Variants in JAKMIP3 observed in about 807,000 individuals in gnomAD.
JAKMIP3 encodes Janus kinase and microtubule interacting protein 3, also known as janus kinase and microtubule-interacting protein 3.
Under a neutral mutation model 118.5 loss-of-function variants are expected in JAKMIP3, and 58 were observed. The observed-to-expected ratio is 0.49, with a 90% confidence interval of 0.40 to 0.61. The LOEUF is 0.61. Among genes scored for constraint, JAKMIP3 ranks in the 20% least tolerant of loss-of-function variants. JAKMIP3 has a pLI of 0.00. For missense variants in JAKMIP3, 950 were observed against 1,109.0 expected (o/e 0.86, Z 2.04); for synonymous variants, 486 against 451.2 (o/e 1.08, Z -0.98).
At chr10:132,036,531 C>A (rs1443500568), upstream of JAKMIP3, among the ~76,000 whole-genome samples, 1 of 152,082 alleles carries the variant, frequency 6.6e-6, no homozygotes. Flanking sequence ...TCCGCGGAGA[C>A]CGGGACTGCG....
upstream of JAKMIP3, among the ~76,000 whole-genome samples, chr10:132,064,163 C>T (rs1451381277): frequency 6.6e-6 from 1 of 152,198 alleles, no homozygotes; most frequent in Admixed American, 6.5e-5. The surrounding 1 kb of genome is among the most constrained non-coding windows in gnomAD (Gnocchi z 4.4). Context: ...AGGATGTTTC[C>T]AATTATTCCC....
At chr10:132,109,188 C>A (rs1589833171) in intron 2 of JAKMIP3, among the ~76,000 whole-genome samples, 1 of 151,904 alleles carries the variant, frequency 6.6e-6, no homozygotes, top group African/African-American at 2.4e-5. Flanking sequence ...TGGTGGCACT[C>A]ACCTGTAGTC....
chr10:132,109,026 T>TG (rs2046380371), intron 2 of JAKMIP3, among the ~76,000 whole-genome samples: 4 of 139,588 alleles, frequency 2.9e-5, no homozygotes, highest in Non-Finnish European at 6.2e-5. Flanking sequence ...TGTATACAAA[T>TG]TATATATGTA....
intron 23 of JAKMIP3, among the ~76,000 whole-genome samples, chr10:132,176,188 C>T (rs906809813): frequency 6.6e-5 from 10 of 152,214 alleles, no homozygotes; most frequent in South Asian, 2.1e-4. Flanking sequence ...CAAGAGGGAA[C>T]GGGGAGGGAC....
chr10:132,071,341 T>C (rs987168145), intron 1 of JAKMIP3, among the ~76,000 whole-genome samples: 1 of 152,234 alleles, frequency 6.6e-6, no homozygotes, highest in Non-Finnish European at 1.5e-5. Flanking sequence ...TAGTCTATTT[T>C]GATGAATGTT....
intron 23 of JAKMIP3, among the ~76,000 whole-genome samples, chr10:132,180,676 C>T (rs28637064): frequency 0.18 from 841 of 4,550 alleles, 166 homozygotes; most frequent in African/African-American, 0.32. Context: ...CGTGTGTGTG[C>T]GCGCGCGTGT....
intron 2 of JAKMIP3, among the ~76,000 whole-genome samples, chr10:132,114,115 A>G (rs1266286317): frequency 6.6e-6 from 1 of 152,232 alleles, no homozygotes; most frequent in African/African-American, 2.4e-5. Flanking sequence ...GAAAATTGCC[A>G]CGTGGTACCC....
chr10:132,099,801 C>T (rs148853749), intron 1 of JAKMIP3, among the ~76,000 whole-genome samples: 4 of 152,336 alleles, frequency 2.6e-5, no homozygotes, highest in Non-Finnish European at 5.9e-5. Flanking sequence ...GGCTCAGGTG[C>T]GTGTCACGGA....
At chr10:132,175,800 A>G (rs901058191) in intron 23 of JAKMIP3, among the ~76,000 whole-genome samples, 12 of 152,336 alleles carry the variant, frequency 7.9e-5, no homozygotes, top group Admixed American at 5.9e-4. Context: ...GTTCATGGCC[A>G]TCATGCATGA....
chr10:132,040,573 C>G (rs1035402855), intron 1 of JAKMIP3, among the ~76,000 whole-genome samples: 1 of 151,646 alleles, frequency 6.6e-6, no homozygotes, highest in Non-Finnish European at 1.5e-5. Context: ...TTTCTTTAAT[C>G]AGTTCCTTAT....
chr10:132,159,576 C>CTT (rs1564981453), intron 19 of JAKMIP3, among the ~76,000 whole-genome samples: 14 of 95,206 alleles, frequency 1.5e-4, no homozygotes, highest in East Asian at 6.2e-4. Flanking sequence ...GGGCGTGTCT[C>CTT]CCTGTGTGAT....
chr10:132,094,470 G>A (rs954382589), intron 1 of JAKMIP3, among the ~76,000 whole-genome samples: 14 of 152,254 alleles, frequency 9.2e-5, no homozygotes, highest in Admixed American at 3.9e-4. Flanking sequence ...GTAGGGCTCT[G>A]CTCCTTTTCC....
intron 9 of JAKMIP3, among the ~76,000 whole-genome samples, chr10:132,139,064 GTGTGTA>G (rs1450063710): frequency 9.3e-5 from 14 of 151,128 alleles, no homozygotes; most frequent in Non-Finnish European, 1.6e-4. Context: ...GTGTGTGTGT[GTGTGTA>G]TGTGTATGTG....
At chr10:132,137,311 T>TTCCCCACGCCTCCGC in intron 8 of JAKMIP3, 22 bp downstream of exon 8, 2 of 1,613,528 alleles carry the variant, frequency 1.2e-6, no homozygotes, top group Non-Finnish European at 1.7e-6. Context: ...CAGCGCCCGC[T>TTCCCCACGCCTCCGC]TCCCCACGCC....
intron 1 of JAKMIP3, among the ~76,000 whole-genome samples, chr10:132,104,299 C>T (rs761885376): frequency 1.3e-5 from 2 of 152,182 alleles, no homozygotes; most frequent in Non-Finnish European, 2.9e-5. Context: ...TCTGAGAGCT[C>T]GTGGTTTATA....
At chr10:132,167,857 C>CTCTCGG in intron 22 of JAKMIP3, 96 bp from the exon 23 acceptor site, 1 of 731,910 alleles carries the variant, frequency 1.4e-6, no homozygotes, top group Non-Finnish European at 2.0e-6. Flanking sequence ...TCGCCCCTCA[C>CTCTCGG]CCCTCGGCCC....
intron 4 of JAKMIP3, among the ~76,000 whole-genome samples, chr10:132,134,179 A>C (rs2135724675): frequency 6.6e-6 from 1 of 151,508 alleles, no homozygotes; most frequent in Non-Finnish European, 1.5e-5. Context: ...AAGTCCAGGG[A>C]CCCTCCAGCT....
intron 4 of JAKMIP3, among the ~76,000 whole-genome samples, chr10:132,134,826 C>T (rs749542484): frequency 2.0e-5 from 3 of 152,248 alleles, no homozygotes; most frequent in East Asian, 1.9e-4. Context: ...GGGTCTCGCT[C>T]TGCCCGTCGG....
At chr10:132,154,835 ATGG>A (rs1332817278) in intron 19 of JAKMIP3, among the ~76,000 whole-genome samples, 1 of 107,210 alleles carries the variant, frequency 9.3e-6, no homozygotes, top group Admixed American at 9.7e-5. Flanking sequence ...GGCAATGGTG[ATGG>A]TGGTGGCGGT....
Sources: gnomAD v4.1 joint callset for allele counts (sites outside exome capture counted in the v4.1 genomes callset) on GRCh38, gnomAD v4.1.1 for gene constraint, Gnocchi (gnomAD v3.1) non-coding constraint, MANE v1.5 for transcripts, NCBI Gene and HGNC (gene_info 2026-07-23, HGNC 2026-07-21) for gene names.